MTCL2: variants seen among roughly 807,000 people sequenced by gnomAD.
The protein encoded by MTCL2 is microtubule crosslinking factor 2.
At chr20:36,815,064 G>A in the MTCL2 span, 1 of 1,485,048 alleles carries the variant, frequency 6.7e-7, no homozygotes, top group Non-Finnish European at 9.0e-7. The surrounding 1 kb of genome is among the most constrained non-coding windows in gnomAD (Gnocchi z 5.3). Context: ...CCTATCTCAA[G>A]AAAAACAAAA....
the MTCL2 span, chr20:36,828,919 G>C: frequency 2.2e-6 from 2 of 920,390 alleles, no homozygotes; most frequent in Non-Finnish European, 3.2e-6. Flanking sequence ...AGGAATGAAT[G>C]AATAAACAAC....
the MTCL2 span, among the ~76,000 whole-genome samples, chr20:36,800,351 G>A: frequency 2.0e-5 from 3 of 152,222 alleles, no homozygotes; most frequent in Non-Finnish European, 4.4e-5. Flanking sequence ...GTTTGATGGT[G>A]CAAACAGATG....
At chr20:36,849,060 C>CTTT in the MTCL2 span, among the ~76,000 whole-genome samples, 7 of 62,242 alleles carry the variant, frequency 1.1e-4, 1 homozygote, top group Non-Finnish European at 1.6e-4. Context: ...AGTTGGTTTC[C>CTTT]TTTTTTTTTT....
the MTCL2 span, among the ~76,000 whole-genome samples, chr20:36,855,577 T>C: frequency 6.6e-6 from 1 of 152,186 alleles, no homozygotes; most frequent in Non-Finnish European, 1.5e-5. Context: ...ACTAGGGGAA[T>C]GACCTCAGTG....
the MTCL2 span, chr20:36,793,266 C>T: frequency 1.4e-5 from 21 of 1,551,328 alleles, no homozygotes; most frequent in East Asian, 2.4e-5. This position sits in a 1 kb window ranked among gnomAD's most constrained non-coding sequence, Gnocchi z 6.8. Context: ...GGAAGGACCA[C>T]GGCTCCATCT....
At chr20:36,810,092 G>A in the MTCL2 span, 1 of 1,597,780 alleles carries the variant, frequency 6.3e-7, no homozygotes, top group East Asian at 2.3e-5. Context: ...GCCAGCACCA[G>A]CTGCAGCTCC....
chr20:36,818,759 T>C, the MTCL2 span, among the ~76,000 whole-genome samples: 1 of 152,166 alleles, frequency 6.6e-6, no homozygotes. Flanking sequence ...TGACAAACTC[T>C]GAAAAAATAT....
chr20:36,810,717 C>CTCTCTCTCTCTCTCTCTCT, the MTCL2 span, among the ~76,000 whole-genome samples: 2 of 94,194 alleles, frequency 2.1e-5, no homozygotes, highest in African/African-American at 8.1e-5. Flanking sequence ...TCTCTCTCTC[C>CTCTCTCTCTCTCTCTCTCT]CTCTCTCTCT....
the MTCL2 span, among the ~76,000 whole-genome samples, chr20:36,836,897 C>A: frequency 6.6e-6 from 1 of 152,198 alleles, no homozygotes; most frequent in Admixed American, 6.5e-5. Flanking sequence ...AACAGGCACT[C>A]CTGTTTACCT....
At chr20:36,793,454 G>A in the MTCL2 span, 1 of 1,551,292 alleles carries the variant, frequency 6.4e-7, no homozygotes, top group African/African-American at 1.4e-5. This position sits in a 1 kb window ranked among gnomAD's most constrained non-coding sequence, Gnocchi z 6.8. Context: ...TGCTGATGAG[G>A]TGGGGCTCGG....
the MTCL2 span, among the ~76,000 whole-genome samples, chr20:36,850,205 A>C: frequency 0.33 from 50,759 of 151,558 alleles, 8,955 homozygotes; most frequent in Middle Eastern, 0.44. Context: ...ACTGCCTGGG[A>C]CTCCTACTCC....
At chr20:36,863,359 G>T in the MTCL2 span, 1 of 1,164,784 alleles carries the variant, frequency 8.6e-7, no homozygotes, top group South Asian at 4.2e-5. The surrounding 1 kb of genome is among the most constrained non-coding windows in gnomAD (Gnocchi z 6.2). Context: ...GCCTCCCTCG[G>T]CCTCAGCGAG....
chr20:36,815,244 G>C, the MTCL2 span: 7 of 1,613,908 alleles, frequency 4.3e-6, no homozygotes, highest in Non-Finnish European at 5.1e-6. This position sits in a 1 kb window ranked among gnomAD's most constrained non-coding sequence, Gnocchi z 5.3. Flanking sequence ...CCCGAGGACT[G>C]CATCTGCCTT....
the MTCL2 span, among the ~76,000 whole-genome samples, chr20:36,841,979 G>A: frequency 6.6e-6 from 1 of 150,404 alleles, no homozygotes; most frequent in East Asian, 2.0e-4. Context: ...AATCTGCCTA[G>A]CTCAGCATCC....
chr20:36,828,866 A>G, the MTCL2 span: 1 of 623,122 alleles, frequency 1.6e-6, no homozygotes, highest in South Asian at 2.1e-5. Context: ...CTTAGTGTCC[A>G]GCACACAATT....
At chr20:36,803,822 G>A in the MTCL2 span, among the ~76,000 whole-genome samples, 1 of 151,906 alleles carries the variant, frequency 6.6e-6, no homozygotes, top group Non-Finnish European at 1.5e-5. Flanking sequence ...TGGGCATGGT[G>A]GTGTGCCATC....
the MTCL2 span, chr20:36,785,855 G>C: frequency 1.0e-6 from 1 of 985,780 alleles, no homozygotes. Flanking sequence ...GGGAGATCCA[G>C]GGCTCCAGGA....
the MTCL2 span, chr20:36,839,202 C>T: frequency 8.1e-4 from 1,276 of 1,579,448 alleles, 7 homozygotes; most frequent in African/African-American, 0.012. The surrounding 1 kb of genome is among the most constrained non-coding windows in gnomAD (Gnocchi z 5.1). Context: ...CAAGGGCACC[C>T]GAGCCCAGGC....
the MTCL2 span, chr20:36,786,226 G>T: frequency 1.7e-6 from 2 of 1,145,194 alleles, no homozygotes; most frequent in African/African-American, 3.1e-5. Flanking sequence ...CTCAGTGGAT[G>T]CTTGGGAAGC....
Sources: gnomAD v4.1 joint callset for allele counts (sites outside exome capture counted in the v4.1 genomes callset) on GRCh38, gnomAD v4.1.1 for gene constraint, Gnocchi (gnomAD v3.1) non-coding constraint, MANE v1.5 for transcripts, NCBI Gene and HGNC (gene_info 2026-07-23, HGNC 2026-07-21) for gene names.